RAB21: variants seen among roughly 807,000 people sequenced by gnomAD.
RAB21 encodes RAB21, member RAS oncogene family.
In RAB21, 13 loss-of-function variants were observed where a neutral mutation model predicts 33.1. That is an observed-to-expected ratio of 0.39 (90% CI 0.26 to 0.62). The LOEUF is 0.62. Ranked by LOEUF, RAB21 falls within the 20% of genes least tolerant of loss-of-function variation. The probability of loss-of-function intolerance (pLI) is 0.48; values close to 1 mark genes in which losing one functional copy is unlikely to be tolerated. For synonymous variants in RAB21, 91 were observed against 103.7 expected (o/e 0.88, Z 0.74); for missense variants, 234 against 279.1 (o/e 0.84, Z 1.15).
intron 4 of RAB21, among the ~76,000 whole-genome samples, chr12:71,778,659 AAG>A (rs577068609): frequency 5.3e-4 from 80 of 152,328 alleles, no homozygotes; most frequent in African/African-American, 1.8e-3. Flanking sequence ...TGTGTGGAAA[AAG>A]AGAGGAAAAC....
chr12:71,755,161 C>G lies in RAB21; in HGVS notation c.32C>G (p.Ala11Gly). The change falls in exon 1 of 7, where the codon GCG (alanine) becomes GGG (glycine). Residue 11 changes from alanine to glycine, a missense_variant. Transcript: ENST00000261263. Reference sequence around the variant, plus strand: ...GCGGCCGGCGGCGGCGGCGGCGGGGCGGCGGCGGCGGGCCGAGCCTACTCG... The same window carrying G: ...GCGGCCGGCGGCGGCGGCGGCGGGGGGGCGGCGGCGGGCCGAGCCTACTCG... Reference protein sequence around the residue: MAAAGGGGGGAAAAGRAYSFK... With the variant: MAAAGGGGGGGAAAGRAYSFK... The G allele has an allele frequency of 7.8e-7, 1 of 1,278,764 alleles. No homozygotes were observed. The allele number at this position is 1,278,764 out of a possible 1,614,324, so 79.2% of individuals were successfully genotyped here. A position where few individuals can be genotyped will look rare whatever the true frequency, so the allele number is the denominator to read the frequency against.
chr12:71,782,899 A>G (rs754366266), intron 6 of RAB21, among the ~76,000 whole-genome samples: 4 of 152,050 alleles, frequency 2.6e-5, no homozygotes, highest in African/African-American at 7.2e-5. Flanking sequence ...GGCTAAATAT[A>G]TATTATAATA....
rs1592648780 is a variant in RAB21, at chr12:71,778,631, T to G, written c.392-3400T>G. ...AAGTAAACAAAATAGATACGGTTCT[T>G]GTCCTCCCAGAGTCTCTTGTGTGGA... On this transcript the variant is annotated intron_variant, in intron 4 of 6. Coordinates refer to ENST00000261263, the MANE Select transcript of RAB21 (RefSeq NM_014999.4). Among the ~76,000 whole-genome samples the G allele has an allele frequency of 5.3e-5, 8 of 152,308 alleles. No individual in the cohort carries two copies. In the South Asian group the frequency reaches 1.7e-3, roughly 32 times the overall value.
At position 71,794,698 on chromosome 12, in the gene RAB21, A is replaced by G. The variant is rs1883442880; in HGVS notation, c.*9025A>G. The G allele has an allele frequency of 6.8e-6, 1 of 146,402 alleles. No homozygotes were observed. Among genetic ancestry groups the G allele is most frequent in the East Asian group, 2.0e-4 (1 of 4,930 alleles). 9.1% of individuals were successfully genotyped at this position (146,402 alleles called of 1,614,324 possible). On this transcript the variant is annotated 3_prime_UTR_variant, in exon 7 of 7. Coordinates refer to ENST00000261263, the MANE Select transcript of RAB21 (RefSeq NM_014999.4). ...TGTTATCCGCCCGCCTCGGCCTCCC[A>G]AAGTGCTGGGATTACAAGCGTGAGC... is the stretch of plus-strand genomic sequence containing the variant.
In RAB21 at chr12:71,799,122, C is replaced by A. The variant is rs1033555817; in HGVS notation, c.*13449C>A. ...GCAGCTTCTTAATCTGACATTCCAA[C>A]CCCTAGATTGTGGTGTTACATCTTC... On this transcript the variant is annotated 3_prime_UTR_variant, in exon 7 of 7. Transcript: ENST00000261263. 2 of 152,302 alleles carry A rather than the reference C, an allele frequency of 1.3e-5. No individual in the cohort carries two copies. Among genetic ancestry groups the A allele is most frequent in the African/African-American group, 4.8e-5 (2 of 41,446 alleles). 9.4% of individuals were successfully genotyped at this position (152,302 alleles called of 1,614,324 possible). A position where few individuals can be genotyped will look rare whatever the true frequency, so the allele number is the denominator to read the frequency against.
In RAB21 at chr12:71,794,701, G is replaced by A. The variant is rs993092853; in HGVS notation, c.*9028G>A. On this transcript the variant is annotated 3_prime_UTR_variant, in exon 7 of 7. Transcript: ENST00000261263. Reference sequence around the variant, plus strand: ...TATCCGCCCGCCTCGGCCTCCCAAAGTGCTGGGATTACAAGCGTGAGCCAC... The same window carrying A: ...TATCCGCCCGCCTCGGCCTCCCAAAATGCTGGGATTACAAGCGTGAGCCAC... 3.4e-5 allele frequency: 5 copies of A among 146,034 alleles called. No individual in the cohort carries two copies. The highest frequency in any genetic ancestry group is 1.2e-4 in the African/African-American group (5 of 40,258). The allele number at this position is 146,034 out of a possible 1,614,324, so 9.0% of individuals were successfully genotyped here.
chr12:71,774,019 G>T lies in RAB21; in HGVS notation c.388G>T (p.Val130Phe), dbSNP rs771696775. Residue 130 changes from valine to phenylalanine, a missense_variant, in exon 4 of 7, where the codon GTT becomes TTT. Transcript: ENST00000261263. The stretch of plus-strand genomic sequence containing the variant: ...GGGAAATGAAATCTGTTTATGTATA[G>T]TTGGTAAGCATCATTACTTTTTTCT... ...MLGNEICLCI[V>F]GNKIDLEKER... 6.4e-7 allele frequency: 1 copy of T among 1,573,116 alleles called. No individual in the cohort carries two copies. The highest frequency in any genetic ancestry group is 8.6e-7 in the Non-Finnish European group (1 of 1,159,474).
At chr12:71,769,213 C>T (rs2137646487) in intron 1 of RAB21, among the ~76,000 whole-genome samples, 1 of 152,300 alleles carries the variant, frequency 6.6e-6, no homozygotes, top group Admixed American at 6.5e-5. Context: ...ACTATCTTTA[C>T]AGTGTATTTG....
Position 71,787,977 on chromosome 12 carries a change from G to A in RAB21, c.*2304G>A, listed in dbSNP as rs1292249758. ...TAGGAAATAAGCTTTTCTCATTACA[G>A]TGAAATATGTTTTAAAAACTAGAGT... On this transcript the variant is annotated 3_prime_UTR_variant, in exon 7 of 7. Coordinates refer to ENST00000261263, the MANE Select transcript of RAB21 (RefSeq NM_014999.4). The A allele has an allele frequency of 6.6e-6, 1 of 152,116 alleles. No individual in the cohort carries two copies. The highest frequency in any genetic ancestry group is 1.5e-5 in the Non-Finnish European group (1 of 68,020). The allele number at this position is 152,116 out of a possible 1,614,324, so 9.4% of individuals were successfully genotyped here.
chr12:71,755,618 C>G (rs1409028882), intron 1 of RAB21, among the ~76,000 whole-genome samples: 1 of 152,208 alleles, frequency 6.6e-6, no homozygotes, highest in African/African-American at 2.4e-5. Context: ...GTGTTGCAGT[C>G]TCCAAATGTT....
intron 4 of RAB21, among the ~76,000 whole-genome samples, chr12:71,777,027 C>G (rs1883130658): frequency 6.6e-6 from 1 of 152,150 alleles, no homozygotes; most frequent in South Asian, 2.1e-4. Context: ...TCACATTTAG[C>G]TGAAATCATA....
intron 1 of RAB21, among the ~76,000 whole-genome samples, chr12:71,757,667 A>T (rs375581569): frequency 6.6e-6 from 1 of 152,198 alleles, no homozygotes; most frequent in Non-Finnish European, 1.5e-5. Flanking sequence ...TTTCTTAACA[A>T]TTTTTCAGAG....
At chr12:71,756,665 AATTGTT>A (rs2137635891) in intron 1 of RAB21, among the ~76,000 whole-genome samples, 1 of 152,360 alleles carries the variant, frequency 6.6e-6, no homozygotes, top group Non-Finnish European at 1.5e-5. Context: ...TTTAATAATG[AATTGTT>A]ATTGTTCAGT....
rs1261023586 is a variant in RAB21 at position 71,796,688 on chromosome 12, G to A, written c.*11015G>A. The stretch of plus-strand genomic sequence containing the variant: ...GTCCCCCTCATGTTGTACCTAATAA[G>A]TGTGTAGTTTTTAAGTGAAATCATA... On this transcript the variant is annotated 3_prime_UTR_variant, in exon 7 of 7. Coordinates refer to ENST00000261263, the MANE Select transcript of RAB21 (RefSeq NM_014999.4). The A allele has an allele frequency of 1.0e-4, 11 of 107,608 alleles. 1 individual carries two copies. The highest frequency in any genetic ancestry group is 2.0e-4 in the Non-Finnish European group (11 of 55,708). The allele number at this position is 107,608 out of a possible 1,614,324, so 6.7% of individuals were successfully genotyped here.
chr12:71,781,933 G>T, intron 4 of RAB21, 98 bp from the exon 5 acceptor site: 3 of 837,948 alleles, frequency 3.6e-6, no homozygotes, highest in Non-Finnish European at 5.7e-6. Flanking sequence ...CATTATTTTT[G>T]CTGGTAATTA....
rs772210753 is a variant in RAB21, at chr12:71,769,851, G to A, written c.211G>A (p.Ala71Thr). 1 of 1,370,642 alleles carries A rather than the reference G, an allele frequency of 7.3e-7. No individual in the cohort carries two copies. Among genetic ancestry groups the A allele is most frequent in the Non-Finnish European group, 9.6e-7 (1 of 1,037,504 alleles). The allele number at this position is 1,370,642 out of a possible 1,614,324, so 84.9% of individuals were successfully genotyped here. ...TATTGGTGGGAAAAGAGTAAACCTT[G>A]CCATATGGGTAAGTGAACTTTTTCA... Reference protein sequence around the residue: ...LNIGGKRVNLAIWDTAGQERF... With the variant: ...LNIGGKRVNLTIWDTAGQERF... Residue 71 changes from alanine to threonine, a missense_variant, in exon 2 of 7, where the codon GCC (alanine) becomes ACC (threonine). Ala to Thr is a moderately conservative substitution (Grantham distance 58). Transcript: ENST00000261263.
chr12:71,789,665 A>T lies in RAB21; in HGVS notation c.*3992A>T, dbSNP rs1011894500. 1 of 152,288 alleles carries T rather than the reference A, an allele frequency of 6.6e-6. No homozygotes were observed. The highest frequency in any genetic ancestry group is 1.9e-4 in the East Asian group (1 of 5,194). The allele number at this position is 152,288 out of a possible 1,614,324, so 9.4% of individuals were successfully genotyped here. A position where few individuals can be genotyped will look rare whatever the true frequency, so the allele number is the denominator to read the frequency against. The stretch of plus-strand genomic sequence containing the variant: ...ATCCCTAAGTACTCTTCTCTAAATT[A>T]TAAAATGCATTACCTAGGCTTTAAT... On this transcript the variant is annotated 3_prime_UTR_variant, in exon 7 of 7. Transcript: ENST00000261263.
Position 71,766,830 on chromosome 12 carries a change from A to G in RAB21, c.160-2970A>G, listed in dbSNP as rs749208135. 7.8e-4 allele frequency among the ~76,000 whole-genome samples: 119 copies of G among 152,148 alleles called. 1 individual carries two copies. The highest frequency in any genetic ancestry group is 2.8e-4 in the Non-Finnish European group (19 of 67,988). ...GGACAGAAGAATTGAAGAGGATGCA[A>G]AAAAGCCATATAAGTTGGAGAATAA... On this transcript the variant is annotated intron_variant, in intron 1 of 6. Transcript: ENST00000261263.
chr12:71,791,437 T>C lies in RAB21; in HGVS notation c.*5764T>C, dbSNP rs1883381528. 1 of 152,224 alleles carries C rather than the reference T, an allele frequency of 6.6e-6. No homozygotes were observed. The highest frequency in any genetic ancestry group is 2.4e-5 in the African/African-American group (1 of 41,462). The allele number at this position is 152,224 out of a possible 1,614,324, so 9.4% of individuals were successfully genotyped here. ...ACGGTTGACTGCTTAGTGTATAAAA[T>C]CTAGGAGTTAACTTTAGCAGATTCT... On this transcript the variant is annotated 3_prime_UTR_variant, in exon 7 of 7. Coordinates refer to ENST00000261263, the MANE Select transcript of RAB21 (RefSeq NM_014999.4).
Sources: allele counts gnomAD v4.1 joint callset (sites outside exome capture counted in the v4.1 genomes callset), GRCh38; gene constraint gnomAD v4.1.1; transcripts MANE v1.5; gene names NCBI Gene and HGNC (gene_info 2026-07-23, HGNC 2026-07-21).